The following ELP1 variants were observed in gnomAD, a reference collection of about 807,000 sequenced individuals.
The protein encoded by ELP1 is elongator complex protein 1.
ELP1 carries 131 observed loss-of-function variants against 183.2 expected under a neutral mutation model. That is an observed-to-expected ratio of 0.72 (90% CI 0.62 to 0.83). The LOEUF is 0.83. Ranked by LOEUF, ELP1 falls within the 40% of genes least tolerant of loss-of-function variation. The pLI is 0.00. For synonymous variants in ELP1, 555 were observed against 569.0 expected (o/e 0.98, Z 0.35); for missense variants, 1,550 against 1,594.9 (o/e 0.97, Z 0.48).
intron 29 of ELP1, among the ~76,000 whole-genome samples, chr9:108,886,013 TAG>T (rs1375350924): frequency 6.6e-6 from 1 of 152,188 alleles, no homozygotes; most frequent in Non-Finnish European, 1.5e-5. Flanking sequence ...TGGCCTCAGA[TAG>T]AGAGACCTAA....
chr9:108,893,064 T>C lies in ELP1; in HGVS notation c.2880A>G (p.Glu960=), dbSNP rs779444024. 8.1e-6 allele frequency: 13 copies of C among 1,613,298 alleles called. No homozygotes were observed. In the South Asian group the frequency reaches 1.3e-4, roughly 16 times the overall value. Reference sequence around the variant, plus strand: ...TTTTATCTTTTATCAAGTTTAAGCATTCTGGGAAGTACTCAGGTCCTGCAG... The same window carrying C: ...TTTTATCTTTTATCAAGTTTAAGCACTCTGGGAAGTACTCAGGTCCTGCAG... ...LSKCGPEYFP[E]CLNLIKDKNL... Residue 960 remains glutamate, a synonymous_variant, in exon 27 of 37, where the codon GAA becomes GAG. Coordinates refer to ENST00000374647, the MANE Select transcript of ELP1 (RefSeq NM_003640.5).
At chr9:108,926,938 T>G (rs1829841458) in intron 4 of ELP1, among the ~76,000 whole-genome samples, 1 of 152,184 alleles carries the variant, frequency 6.6e-6, no homozygotes, top group Non-Finnish European at 1.5e-5. Flanking sequence ...TAAACTCATC[T>G]GGAATGATGA....
intron 25 of ELP1, among the ~76,000 whole-genome samples, chr9:108,896,017 G>A (rs1206988572): frequency 6.6e-6 from 1 of 152,148 alleles, no homozygotes; most frequent in Non-Finnish European, 1.5e-5. Flanking sequence ...CAGCACTTTG[G>A]GAGACTGAGG....
Position 108,871,053 on chromosome 9 carries a change from G to A in ELP1, c.3932-1871C>T, listed in dbSNP as rs557627451. Among the ~76,000 whole-genome samples the A allele has an allele frequency of 2.8e-5, 4 of 141,902 alleles. No individual in the cohort carries two copies. The East Asian group carries it at 8.5e-4, about 30-fold the overall frequency. 93.1% of individuals were successfully genotyped at this position (141,902 alleles called of 152,430 possible). ...GATTGGCTGTCGTAAAGCCTGTGAA[G>A]TCATGCACATCTGGACACAGTTTTC... On this transcript the variant is annotated intron_variant, in intron 36 of 36. Transcript: ENST00000374647.
At chr9:108,921,113 G>A (rs1310928320) in intron 6 of ELP1, among the ~76,000 whole-genome samples, 1 of 151,914 alleles carries the variant, frequency 6.6e-6, no homozygotes, top group Non-Finnish European at 1.5e-5. Flanking sequence ...TGCACCTTGG[G>A]ATTTTTTTTT....
intron 8 of ELP1, among the ~76,000 whole-genome samples, chr9:108,918,156 C>A (rs1386590185): frequency 6.6e-6 from 1 of 152,178 alleles, no homozygotes; most frequent in Non-Finnish European, 1.5e-5. Flanking sequence ...AAATACATTT[C>A]TCTTCTGCTC....
At chr9:108,887,210 A>T (rs1170930577) in intron 29 of ELP1, among the ~76,000 whole-genome samples, 1 of 152,152 alleles carries the variant, frequency 6.6e-6, no homozygotes, top group East Asian at 1.9e-4. Context: ...CTCTGTCTCA[A>T]AAATAAAATA....
At chr9:108,875,077 T>C in intron 35 of ELP1, 107 bp from the exon 36 acceptor site, 16 of 780,210 alleles carry the variant, frequency 2.1e-5, no homozygotes, top group South Asian at 1.6e-4. Context: ...TCATTTCTAC[T>C]GGTATGGTGT....
At chr9:108,873,198 T>C (rs756374991) in intron 36 of ELP1, among the ~76,000 whole-genome samples, 6 of 152,244 alleles carry the variant, frequency 3.9e-5, no homozygotes, top group Non-Finnish European at 2.9e-5. Context: ...CATTTTAATC[T>C]ATTTTATGTA....
chr9:108,884,513 T>C (rs892277843), intron 29 of ELP1, among the ~76,000 whole-genome samples: 3 of 152,044 alleles, frequency 2.0e-5, no homozygotes, highest in South Asian at 2.1e-4. Context: ...AAATAAATTA[T>C]AAATTTAAAT....
intron 21 of ELP1, 33 bp from the exon 22 acceptor site, chr9:108,898,614 G>C (rs1828648275): frequency 6.3e-7 from 1 of 1,599,192 alleles, no homozygotes; most frequent in African/African-American, 1.3e-5. Context: ...TCTTCGTTCA[G>C]ATCATATTAG....
At position 108,881,714 on chromosome 9, in the gene ELP1, T is replaced by G. The variant is rs763262745; in HGVS notation, c.3337A>C (p.Ile1113Leu). 6.4e-7 allele frequency: 1 copy of G among 1,574,702 alleles called. No individual in the cohort carries two copies. Among genetic ancestry groups the G allele is most frequent in the Non-Finnish European group, 8.7e-7 (1 of 1,144,464 alleles). The change falls in exon 31 of 37, where the codon ATT becomes CTT. Residue 1113 changes from isoleucine (I) to leucine (L), a missense_variant. Transcript: ENST00000374647. ...AAAATGGAACCCTCACCTTCTAAAA[T>G]GGAAGGCTTTACGTTGGTTTCTATA... ...DIIETNVKPS[I>L]LEAQKNYMAF...
At chr9:108,927,480 G>A (rs1829857881) in intron 3 of ELP1, 27 bp from the exon 4 acceptor site, 1 of 1,563,542 alleles carries the variant, frequency 6.4e-7, no homozygotes. Context: ...TGAAAAGAGA[G>A]ATTCAAACAC....
chr9:108,927,941 A>C (rs1829871925), intron 3 of ELP1, among the ~76,000 whole-genome samples: 1 of 152,226 alleles, frequency 6.6e-6, no homozygotes, highest in Admixed American at 6.5e-5. Flanking sequence ...GTACAAAAAA[A>C]AATAGAATAA....
At chr9:108,930,720 T>C (rs572732500) in intron 2 of ELP1, among the ~76,000 whole-genome samples, 22 of 146,690 alleles carry the variant, frequency 1.5e-4, no homozygotes, top group Admixed American at 1.3e-3. Context: ...ACCACTCTTA[T>C]AAACAGAATT....
intron 20 of ELP1, 81 bp from the exon 21 acceptor site, chr9:108,898,830 C>T (rs1828658587): frequency 1.1e-6 from 1 of 932,140 alleles, no homozygotes; most frequent in South Asian, 1.3e-5. Context: ...CATTATGATA[C>T]AAACCAGTTA....
chr9:108,919,705 A>C (rs1248265051), intron 6 of ELP1, among the ~76,000 whole-genome samples: 1 of 152,150 alleles, frequency 6.6e-6, no homozygotes, highest in Admixed American at 6.5e-5. Flanking sequence ...CCAACAGGGT[A>C]GAGTTTTGTT....
chr9:108,872,821 A>C lies in ELP1; in HGVS notation c.3931+2074T>G, dbSNP rs1208896567. On this transcript the variant is annotated intron_variant, in intron 36 of 36. Coordinates refer to ENST00000374647, the MANE Select transcript of ELP1 (RefSeq NM_003640.5). ...CTCTGTCTGAAAAAAAAAAAAAAAA[A>C]AAAAAAAAAAAAAAAAAACTAGTTA... 5.9e-5 allele frequency among the ~76,000 whole-genome samples: 4 copies of C among 67,710 alleles called. 1 individual carries two copies. The highest frequency in any genetic ancestry group is 8.9e-4 in the South Asian group (2 of 2,250). 44.4% of individuals were successfully genotyped at this position (67,710 alleles called of 152,430 possible).
intron 4 of ELP1, among the ~76,000 whole-genome samples, chr9:108,927,150 T>C (rs1288384881): frequency 6.6e-6 from 1 of 152,158 alleles, no homozygotes; most frequent in African/African-American, 2.4e-5. Context: ...TTTATAATGA[T>C]AGACTAAGAG....
Sources: gnomAD v4.1 joint callset for allele counts (sites outside exome capture counted in the v4.1 genomes callset) on GRCh38, gnomAD v4.1.1 for gene constraint, MANE v1.5 for transcripts, NCBI Gene and HGNC (gene_info 2026-07-23, HGNC 2026-07-21) for gene names.